The following WASHC2C variants were observed in gnomAD, a reference collection of about 807,000 sequenced individuals.
The protein encoded by WASHC2C is WASH complex subunit 2C, also known as Vaccinia Penetration Factor.
WASHC2C carries 73 observed loss-of-function variants against 142.2 expected under a neutral mutation model. The ratio of observed to expected loss-of-function variants is 0.51; its 90% CI spans 0.43 to 0.62. WASHC2C has a LOEUF of 0.62. WASHC2C is among the 20% of genes least tolerant of loss of function. The pLI is 0.00. For missense variants in WASHC2C, 969 were observed against 1,531.7 expected, an observed-to-expected ratio of 0.63 and a Z score of 6.13; for synonymous variants, 337 against 565.5, an observed-to-expected ratio of 0.60 and a Z score of 5.73.
At position 45,791,568 on chromosome 10, in the gene WASHC2C, C is replaced by G. The variant is rs1413700489; in HGVS notation, c.3887-693C>G. Among the ~76,000 whole-genome samples the G allele has an allele frequency of 7.5e-5, 11 of 145,934 alleles. 1 individual carries two copies. The highest frequency in any genetic ancestry group is 2.2e-4 in the African/African-American group (9 of 40,030). On this transcript the variant is annotated intron_variant, in intron 30 of 30. Coordinates refer to ENST00000623400, the MANE Select transcript of WASHC2C (RefSeq NM_001330074.2). ...GAGATCTCCTTCCTTGTTTTCAGTG[C>G]TGTGCACGATTTCTTTATATTTAGC...
chr10:45,777,423 A>G lies in WASHC2C; in HGVS notation c.2293A>G (p.Lys765Glu). ...FGRTDVAESE[K>E]EGLLTRSAQE... ...GAGAACTGATGTGGCTGAGTCAGAAAAGGTGGACTTTTTTTCTTGTATACT... is the reference window on the plus strand; with the variant it reads ...GAGAACTGATGTGGCTGAGTCAGAAGAGGTGGACTTTTTTTCTTGTATACT... The change falls in exon 22 of 31, where the codon AAG becomes GAG. Residue 765 changes from lysine to glutamate, a missense_variant and splice_region_variant. Lys to Glu is a moderately conservative substitution (Grantham distance 56, BLOSUM62 1). Coordinates refer to ENST00000623400, the MANE Select transcript of WASHC2C (RefSeq NM_001330074.2). The G allele has an allele frequency of 6.2e-7, 1 of 1,610,176 alleles. No homozygotes were observed. The highest frequency in any genetic ancestry group is 8.5e-7 in the Non-Finnish European group (1 of 1,178,288).
intron 17 of WASHC2C, among the ~76,000 whole-genome samples, chr10:45,759,890 C>A (rs1341270195): frequency 6.6e-6 from 1 of 151,048 alleles, no homozygotes; most frequent in Non-Finnish European, 1.5e-5. Context: ...GTTTACAATA[C>A]TTTTCACTTT....
chr10:45,744,638 G>A (rs1318362301), intron 6 of WASHC2C, among the ~76,000 whole-genome samples, 183 bp from the exon 7 acceptor site: 1 of 151,708 alleles, frequency 6.6e-6, no homozygotes, highest in East Asian at 1.9e-4. Context: ...TGGGGGGAGA[G>A]ATACTTCAAG....
intron 5 of WASHC2C, among the ~76,000 whole-genome samples, chr10:45,740,651 C>T (rs1271357190): frequency 6.6e-6 from 1 of 151,980 alleles, no homozygotes. Context: ...GTGTTGGGAA[C>T]CTGAAATTAT....
chr10:45,785,373 A>C lies in WASHC2C; in HGVS notation c.2689-136A>C. The C allele has an allele frequency of 4.2e-6, 4 of 961,232 alleles. No homozygotes were observed. In the South Asian group the frequency reaches 7.0e-5, roughly 17 times the overall value. The allele number at this position is 961,232 out of a possible 1,614,324, so 59.5% of individuals were successfully genotyped here. On this transcript the variant is annotated intron_variant, in intron 25 of 30. Transcript: ENST00000623400. ...TTCAGAATGCTATTTCTGAAATGCT[A>C]CCTTTGAGTTGGTTCAGCCCTCATT... is the stretch of plus-strand genomic sequence containing the variant.
At chr10:45,784,261 T>TAC (rs2057771397) in intron 23 of WASHC2C, among the ~76,000 whole-genome samples, 1 of 5,140 alleles carries the variant, frequency 1.9e-4, no homozygotes, top group African/African-American at 3.8e-4. Flanking sequence ...TGTATATATA[T>TAC]ATATATATAT....
intron 27 of WASHC2C, 123 bp downstream of exon 27, chr10:45,786,797 G>C: frequency 6.4e-7 from 1 of 1,568,404 alleles, no homozygotes; most frequent in African/African-American, 1.4e-5. Context: ...CCCCTCCCCT[G>C]CACCTAGTTG....
chr10:45,729,330 G>A (rs1419137095), intron 3 of WASHC2C, among the ~76,000 whole-genome samples: 6 of 152,212 alleles, frequency 3.9e-5, no homozygotes, highest in African/African-American at 1.2e-4. Flanking sequence ...TTGTTGTGGC[G>A]TGATCTGTAA....
rs782124237 is a variant in WASHC2C, at chr10:45,743,387, C to T, written c.529-3C>T. The stretch of plus-strand genomic sequence containing the variant: ...GACAGCCTATTCCTTTCATCATGTA[C>T]AGGATCTATACATTGATCGTCCTTT... On this transcript the variant is annotated splice_polypyrimidine_tract_variant and splice_region_variant and intron_variant, in intron 5 of 30. Transcript: ENST00000623400. 2.5e-6 allele frequency: 4 copies of T among 1,611,934 alleles called. No homozygotes were observed. Among genetic ancestry groups the T allele is most frequent in the East Asian group, 2.2e-5 (1 of 44,856 alleles).
chr10:45,790,636 C>T lies in WASHC2C; in HGVS notation c.3886+103C>T. ...TGGCCCTTTTCTGGAAAATGCACCCCAGCGGGTTCACTTCAGTGTAATCCT... is the reference window on the plus strand; with the variant it reads ...TGGCCCTTTTCTGGAAAATGCACCCTAGCGGGTTCACTTCAGTGTAATCCT... On this transcript the variant is annotated intron_variant, in intron 30 of 30. Coordinates refer to ENST00000623400, the MANE Select transcript of WASHC2C (RefSeq NM_001330074.2). The T allele has an allele frequency of 3.4e-6, 5 of 1,488,722 alleles. No homozygotes were observed. In the South Asian group the frequency reaches 4.6e-5, roughly 14 times the overall value. The allele number at this position is 1,488,722 out of a possible 1,614,324, so 92.2% of individuals were successfully genotyped here.
chr10:45,756,635 C>CA (rs1261632165), intron 15 of WASHC2C, among the ~76,000 whole-genome samples: 1 of 152,042 alleles, frequency 6.6e-6, no homozygotes, highest in African/African-American at 2.4e-5. Context: ...TTTTTTAAAG[C>CA]AGGAGCCAAG....
intron 8 of WASHC2C, 146 bp from the exon 9 acceptor site, chr10:45,749,950 T>C (rs1242807062): frequency 1.7e-6 from 1 of 588,104 alleles, no homozygotes; most frequent in Non-Finnish European, 2.4e-6. Flanking sequence ...TTCCAGCACA[T>C]CTTTTGCTTC....
intron 4 of WASHC2C, among the ~76,000 whole-genome samples, chr10:45,738,966 CA>C (rs2051634093): frequency 6.6e-6 from 1 of 152,182 alleles, no homozygotes; most frequent in African/African-American, 2.4e-5. Flanking sequence ...CTTGGCCTCC[CA>C]AAGTGCTAGG....
At chr10:45,764,547 C>T (rs1233595872) in intron 18 of WASHC2C, among the ~76,000 whole-genome samples, 4 of 149,486 alleles carry the variant, frequency 2.7e-5, no homozygotes, top group Admixed American at 2.0e-4. Flanking sequence ...CTTTCTTTCC[C>T]GTCCTGGCTG....
chr10:45,735,439 C>G (rs1226691197), intron 3 of WASHC2C, among the ~76,000 whole-genome samples: 1 of 151,370 alleles, frequency 6.6e-6, no homozygotes, highest in East Asian at 2.0e-4. Flanking sequence ...CATGGTTTCA[C>G]CATGTTGGCC....
At chr10:45,748,070 A>G (rs1394770413) in intron 8 of WASHC2C, among the ~76,000 whole-genome samples, 1 of 125,162 alleles carries the variant, frequency 8.0e-6, no homozygotes, top group Non-Finnish European at 1.6e-5. Flanking sequence ...AAAAATTTGC[A>G]TTTAAATTTC....
intron 23 of WASHC2C, among the ~76,000 whole-genome samples, chr10:45,783,959 G>A (rs1357675924): frequency 6.6e-6 from 1 of 152,064 alleles, no homozygotes; most frequent in Non-Finnish European, 1.5e-5. Context: ...AAGGCTTGTG[G>A]TCGCACCTGT....
chr10:45,784,452 A>G (rs1554889163), intron 23 of WASHC2C, 113 bp from the exon 24 acceptor site: 16 of 1,341,238 alleles, frequency 1.2e-5, no homozygotes, highest in South Asian at 1.6e-5. Flanking sequence ...GCCTTTTGCT[A>G]ATATAATACA....
intron 7 of WASHC2C, 62 bp from the exon 8 acceptor site, chr10:45,746,538 A>G: frequency 1.3e-6 from 2 of 1,580,666 alleles, no homozygotes; most frequent in Admixed American, 1.7e-5. Context: ...TTAGACCTGC[A>G]ATCATTTCTG....
Sources: gnomAD v4.1 joint callset for allele counts (sites outside exome capture counted in the v4.1 genomes callset) on GRCh38, gnomAD v4.1.1 for gene constraint, MANE v1.5 for transcripts, NCBI Gene and HGNC (gene_info 2026-07-23, HGNC 2026-07-21) for gene names.